The following PREX1 variants were observed in gnomAD, a reference collection of about 807,000 sequenced individuals.
PREX1 encodes phosphatidylinositol 3,4,5-trisphosphate-dependent Rac exchanger 1 protein.
PREX1 carries 41 observed loss-of-function variants against 198.3 expected under a neutral mutation model. That is an observed-to-expected ratio of 0.21 (90% CI 0.16 to 0.27). PREX1 has a LOEUF of 0.27. Ranked by LOEUF, PREX1 falls within the 10% of genes least tolerant of loss-of-function variation. The pLI, the probability that PREX1 is intolerant of heterozygous loss-of-function variation, is 1.00. For synonymous variants in PREX1, 843 were observed against 887.2 expected, an observed-to-expected ratio of 0.95 and a Z score of 0.89; for missense variants, 1,620 against 2,200.7, an observed-to-expected ratio of 0.74 and a Z score of 5.28.
chr20:48,802,278 C>T (rs114108583), intron 1 of PREX1, among the ~76,000 whole-genome samples: 1,755 of 152,268 alleles, frequency 0.012, 26 homozygotes, highest in African/African-American at 0.04. Context: ...AAAGCCCAAC[C>T]CTTTGCCATG....
chr20:48,660,761 T>C (rs1427847126), intron 15 of PREX1, among the ~76,000 whole-genome samples: 1 of 152,170 alleles, frequency 6.6e-6, no homozygotes, highest in Non-Finnish European at 1.5e-5. Context: ...TAAAAACCTC[T>C]AACAAATCAA....
chr20:48,824,994 C>A (rs1164978183), intron 1 of PREX1, among the ~76,000 whole-genome samples: 1 of 152,136 alleles, frequency 6.6e-6, no homozygotes, highest in Non-Finnish European at 1.5e-5. Flanking sequence ...AGCCAGGAGA[C>A]AGCAGGGAAA....
chr20:48,642,636 A>G (rs922163164), intron 27 of PREX1, 147 bp from the exon 28 acceptor site: 26 of 687,122 alleles, frequency 3.8e-5, no homozygotes, highest in Non-Finnish European at 6.2e-5. Flanking sequence ...GCTGTGAGCC[A>G]CAGGGCAAAT....
intron 1 of PREX1, among the ~76,000 whole-genome samples, chr20:48,783,462 A>C (rs2090298918): frequency 6.6e-6 from 1 of 152,158 alleles, no homozygotes; most frequent in Non-Finnish European, 1.5e-5. Context: ...TTTAGATCCA[A>C]GTAGCAATGG....
intron 1 of PREX1, among the ~76,000 whole-genome samples, chr20:48,751,499 C>T (rs1187633506): frequency 3.9e-5 from 6 of 152,204 alleles, no homozygotes; most frequent in Non-Finnish European, 5.9e-5. Flanking sequence ...ATGGGCAGCT[C>T]GTGACCCGGA....
chr20:48,753,331 G>A (rs1038684644), intron 1 of PREX1, among the ~76,000 whole-genome samples: 12 of 152,172 alleles, frequency 7.9e-5, no homozygotes, highest in African/African-American at 1.7e-4. Flanking sequence ...CAGGTCTCCC[G>A]ATGCCAGGCC....
chr20:48,747,226 G>A (rs922919399), intron 2 of PREX1, among the ~76,000 whole-genome samples: 6 of 152,164 alleles, frequency 3.9e-5, no homozygotes, highest in African/African-American at 9.7e-5. Flanking sequence ...TCAGAGCCCC[G>A]AGGCCTGAAA....
At chr20:48,794,296 T>G (rs73260214) in intron 1 of PREX1, among the ~76,000 whole-genome samples, 19,540 of 151,800 alleles carry the variant, frequency 0.13, 1,366 homozygotes, top group Middle Eastern at 0.24. Context: ...CAGAGGGAGA[T>G]AGGGGCACAG....
chr20:48,673,863 G>C (rs6095235), intron 14 of PREX1, among the ~76,000 whole-genome samples: 2 of 152,282 alleles, frequency 1.3e-5, no homozygotes, highest in South Asian at 4.1e-4. Context: ...CTCTATGTCA[G>C]GCACCATTCT....
In PREX1 at chr20:48,752,735, T is replaced by C. The variant is rs559238730; in HGVS notation, c.220-4855A>G. 2.6e-5 allele frequency among the ~76,000 whole-genome samples: 4 copies of C among 152,290 alleles called. No homozygotes were observed. In the South Asian group the frequency reaches 6.2e-4, roughly 24 times the overall value. On this transcript the variant is annotated intron_variant, in intron 1 of 39. Transcript: ENST00000371941. Reference sequence around the variant, plus strand: ...CCTGCCTCACTCCCCCACTCTCCTATTGATGCTTCCTGGGGTGACCTCCCA... The same window carrying C: ...CCTGCCTCACTCCCCCACTCTCCTACTGATGCTTCCTGGGGTGACCTCCCA...
chr20:48,645,495 A>T (rs1334865647), intron 26 of PREX1, among the ~76,000 whole-genome samples: 1 of 152,186 alleles, frequency 6.6e-6, no homozygotes, highest in Non-Finnish European at 1.5e-5. Flanking sequence ...AATAAACATA[A>T]ATAGTGCTTG....
In PREX1 at chr20:48,676,209, T is replaced by C. The variant is rs2089707902; in HGVS notation, c.1649A>G (p.Asp550Gly). The change falls in exon 14 of 40, where the codon GAC becomes GGC. Residue 550 changes from aspartate to glycine, a missense_variant. Physicochemically the swap from Asp to Gly is moderately conservative, Grantham distance 94 (BLOSUM62 -1). Around this residue, in one of 7 missense-constraint regions of PREX1, gnomAD observed 488 missense variants for 802.5 expected, o/e 0.61. Transcript: ENST00000371941. ...KSVLPGSKLV[D>G]WLLAQGDCQT... ...GGCCCTCACCTGAGCCAGCAGCCAG[T>C]CCACCAGCTTGCTCCCGGGAAGCAC... 1 of 1,614,062 alleles carries C rather than the reference T, an allele frequency of 6.2e-7. No homozygotes were observed. The highest frequency in any genetic ancestry group is 8.5e-7 in the Non-Finnish European group (1 of 1,179,964).
Position 48,632,589 on chromosome 20 carries a change from T to A in PREX1, c.4318A>T (p.Ile1440Phe), listed in dbSNP as rs2089323786. Residue 1440 changes from isoleucine (I) to phenylalanine (F), a missense_variant, in exon 34 of 40, where the codon ATC (isoleucine) becomes TTC (phenylalanine). Transcript: ENST00000371941. ...IEGSRQALKV[I>F]FYLDSYHFSK... The stretch of plus-strand genomic sequence containing the variant: ...AAGTGGTAGCTGTCGAGGTAGAAGA[T>A]GACCTTCAGCGCCTGCCGGCTGCCC... 6.2e-7 allele frequency: 1 copy of A among 1,613,834 alleles called. No homozygotes were observed.
chr20:48,785,835 C>T (rs1012619076), intron 1 of PREX1, among the ~76,000 whole-genome samples: 2 of 152,182 alleles, frequency 1.3e-5, no homozygotes, highest in African/African-American at 2.4e-5. Context: ...TAAATACTGA[C>T]GAGCCCCCAT....
In PREX1 at chr20:48,749,279, C is replaced by T. The variant is rs2090123472; in HGVS notation, c.220-1399G>A. Reference sequence around the variant, plus strand: ...TCATGGTGCTGTCATAGCCACAGGGCCACGGGGAGCTGTGGGGCCTATCAG... The same window carrying T: ...TCATGGTGCTGTCATAGCCACAGGGTCACGGGGAGCTGTGGGGCCTATCAG... On this transcript the variant is annotated intron_variant, in intron 1 of 39. Transcript: ENST00000371941. Among the ~76,000 whole-genome samples, 2 of 152,104 alleles carry T rather than the reference C, an allele frequency of 1.3e-5. 1 individual carries two copies. Among genetic ancestry groups the T allele is most frequent in the South Asian group, 4.1e-4 (2 of 4,828 alleles).
chr20:48,670,674 T>A (rs550348639), intron 14 of PREX1, among the ~76,000 whole-genome samples: 1 of 152,350 alleles, frequency 6.6e-6, no homozygotes, highest in Non-Finnish European at 1.5e-5. Flanking sequence ...CCTTTCCTCA[T>A]CCATATTTTT....
rs759822448 is a variant in PREX1 at position 48,632,508 on chromosome 20, G to A, written c.4399C>T (p.Leu1467=). The part of the protein sequence containing the change: ...GGASLRLHTA[L]FTKVLENVEG... Reference sequence around the variant, plus strand: ...GCCTGAAGCTCACCTTTCGTGAACAGCGCTGTGTGCAGCCTCAGGCTGGCC... The same window carrying A: ...GCCTGAAGCTCACCTTTCGTGAACAACGCTGTGTGCAGCCTCAGGCTGGCC... The change falls in exon 34 of 40, where the codon CTG becomes TTG. Residue 1467 remains leucine, a synonymous_variant. Coordinates refer to ENST00000371941, the MANE Select transcript of PREX1 (RefSeq NM_020820.4). 1 of 1,613,988 alleles carries A rather than the reference G, an allele frequency of 6.2e-7. No homozygotes were observed. Among genetic ancestry groups the A allele is most frequent in the Non-Finnish European group, 8.5e-7 (1 of 1,180,028 alleles).
chr20:48,655,868 G>A (rs939951029), intron 18 of PREX1, among the ~76,000 whole-genome samples: 3 of 152,168 alleles, frequency 2.0e-5, no homozygotes, highest in African/African-American at 7.2e-5. Context: ...CTGCCAGGGA[G>A]GGCAATGGGT....
intron 5 of PREX1, among the ~76,000 whole-genome samples, chr20:48,714,567 T>G (rs2089953305): frequency 6.6e-6 from 1 of 152,226 alleles, no homozygotes; most frequent in South Asian, 2.1e-4. Context: ...GAGATACCAC[T>G]TCACATCTAC....
Sources: gnomAD v4.1 joint callset for allele counts (sites outside exome capture counted in the v4.1 genomes callset) on GRCh38, gnomAD v4.1.1 for gene constraint, gnomAD v4.1.1 regional missense constraint, MANE v1.5 for transcripts, NCBI Gene and HGNC (gene_info 2026-07-23, HGNC 2026-07-21) for gene names.